EHBP1L1: variants seen among roughly 807,000 people sequenced by gnomAD.
EHBP1L1 encodes EH domain binding protein 1 like 1, also known as EH domain-binding protein 1-like protein 1.
A neutral mutation model predicts 151.1 loss-of-function variants in EHBP1L1; 122 were observed. The ratio of observed to expected loss-of-function variants is 0.81; its 90% CI spans 0.70 to 0.94. EHBP1L1 has a LOEUF of 0.94. Ranked by LOEUF, EHBP1L1 falls within the 40% of genes least tolerant of loss-of-function variation. The pLI, the probability that EHBP1L1 is intolerant of heterozygous loss-of-function variation, is 0.00. For synonymous variants in EHBP1L1, 878 were observed against 810.1 expected, an observed-to-expected ratio of 1.08 and a Z score of -1.42; for missense variants, 1,941 against 1,959.8, an observed-to-expected ratio of 0.99 and a Z score of 0.18.
chr11:65,590,934 G>A (rs1858242980), intron 16 of EHBP1L1, among the ~76,000 whole-genome samples: 1 of 152,138 alleles, frequency 6.6e-6, no homozygotes, highest in African/African-American at 2.4e-5. Context: ...GGAAGGCTGA[G>A]GCAGGAGAAT....
At position 65,592,572 on chromosome 11, in the gene EHBP1L1, G is replaced by A. The variant is rs983478599; in HGVS notation, c.*270G>A. 2 of 193,372 alleles carry A rather than the reference G, an allele frequency of 1.0e-5. No individual in the cohort carries two copies. The highest frequency in any genetic ancestry group is 4.8e-5 in the African/African-American group (2 of 42,024). 12.0% of individuals were successfully genotyped at this position (193,372 alleles called of 1,614,324 possible). On this transcript the variant is annotated 3_prime_UTR_variant, in exon 19 of 19. Coordinates refer to ENST00000309295, the MANE Select transcript of EHBP1L1 (RefSeq NM_001099409.3). ...GGCCGGGCCGGCGGCCTCGGGGAGA[G>A]GGATGCCTGGGCACTACCGCCCCGC...
At chr11:65,587,477 ACT>A (rs1043261290) in intron 12 of EHBP1L1, among the ~76,000 whole-genome samples, 2 of 151,256 alleles carry the variant, frequency 1.3e-5, no homozygotes, top group African/African-American at 2.4e-5. Context: ...GGATTTCTCC[ACT>A]CTCCTGCTTC....
Position 65,579,988 on chromosome 11 carries a change from ATGTG to A in EHBP1L1, c.312_312+3del. Reference sequence around the variant, plus strand: ...AAAGAGTGGACATTTATTATTGAAAATGTGAGTGTCTGGAGTGGGCTCAGGTCTG... The same window carrying A: ...AAAGAGTGGACATTTATTATTGAAAAAGTGTCTGGAGTGGGCTCAGGTCTG... On this transcript the variant is annotated splice_donor_variant and splice_donor_region_variant and coding_sequence_variant and intron_variant, in exon 4 of 19. Transcript: ENST00000309295. LOFTEE classifies it high-confidence loss of function. 2 of 1,613,890 alleles carry A rather than the reference ATGTG, an allele frequency of 1.2e-6. No homozygotes were observed. The highest frequency in any genetic ancestry group is 1.7e-6 in the Non-Finnish European group (2 of 1,179,858).
intron 12 of EHBP1L1, 74 bp from the exon 13 acceptor site, chr11:65,589,677 A>G: frequency 6.2e-6 from 9 of 1,460,718 alleles, no homozygotes; most frequent in Non-Finnish European, 8.1e-6. Context: ...CCTCTGTATG[A>G]GTGGCTCTGG....
At chr11:65,579,846 C>A in intron 3 of EHBP1L1, 90 bp from the exon 4 acceptor site, 1 of 1,374,458 alleles carries the variant, frequency 7.3e-7, no homozygotes, top group South Asian at 1.3e-5. Context: ...AAAAAAGCCA[C>A]CACTACCAAG....
At position 65,576,977 on chromosome 11, in the gene EHBP1L1, G is replaced by A. The variant is rs187345393; in HGVS notation, c.104+571G>A. 4.5e-3 allele frequency among the ~76,000 whole-genome samples: 691 copies of A among 152,288 alleles called. 6 individuals are homozygous for A. The highest frequency in any genetic ancestry group is 0.015 in the African/African-American group (622 of 41,552). ...TGCTGGGAGGATTGAGGAGGGAGGC[G>A]GGGAGCAGCTTAAAGGGGCCTGAGG... On this transcript the variant is annotated intron_variant, in intron 1 of 18. Coordinates refer to ENST00000309295, the MANE Select transcript of EHBP1L1 (RefSeq NM_001099409.3).
At position 65,583,227 on chromosome 11, in the gene EHBP1L1, C is replaced by T; in HGVS notation, c.2555C>T (p.Ser852Leu). 6.2e-7 allele frequency: 1 copy of T among 1,613,434 alleles called. No individual in the cohort carries two copies. The highest frequency in any genetic ancestry group is 8.5e-7 in the Non-Finnish European group (1 of 1,179,808). The change falls in exon 9 of 19, where the codon TCA becomes TTA. Residue 852 changes from serine to leucine, a missense_variant. Coordinates refer to ENST00000309295, the MANE Select transcript of EHBP1L1 (RefSeq NM_001099409.3). ...QETEVGGSGI[S>L]GPEAGMAEAR... Reference sequence around the variant, plus strand: ...ACAGAGGTCGGGGGTTCAGGGATCTCAGGGCCCGAGGCTGGAATGGCAGAG... The same window carrying T: ...ACAGAGGTCGGGGGTTCAGGGATCTTAGGGCCCGAGGCTGGAATGGCAGAG...
rs939961512 is a variant in EHBP1L1, at chr11:65,592,408, C to T, written c.*106C>T. ...GCCGTCCCGGAGGCCGCGCGCGTGT[C>T]CGCTAGGGGCCGCCGGCGCCCTTCC... On this transcript the variant is annotated 3_prime_UTR_variant, in exon 19 of 19. Coordinates refer to ENST00000309295, the MANE Select transcript of EHBP1L1 (RefSeq NM_001099409.3). 9.8e-6 allele frequency: 8 copies of T among 814,942 alleles called. No homozygotes were observed. Among genetic ancestry groups the T allele is most frequent in the African/African-American group, 9.3e-5 (5 of 53,616 alleles). 50.5% of individuals were successfully genotyped at this position (814,942 alleles called of 1,614,324 possible).
At position 65,592,326 on chromosome 11, in the gene EHBP1L1, A is replaced by C. The variant is rs1858378322; in HGVS notation, c.*24A>C. 14 of 1,413,732 alleles carry C rather than the reference A, an allele frequency of 9.9e-6. No individual in the cohort carries two copies. Among genetic ancestry groups the C allele is most frequent in the Non-Finnish European group, 1.3e-5 (14 of 1,092,764 alleles). The allele number at this position is 1,413,732 out of a possible 1,614,324, so 87.6% of individuals were successfully genotyped here. Reference sequence around the variant, plus strand: ...GAGGCCGCCGGCCCGGGTGGCCCATAACTTCTCGCGTCCCCGGCGTCCGCC... The same window carrying C: ...GAGGCCGCCGGCCCGGGTGGCCCATCACTTCTCGCGTCCCCGGCGTCCGCC... On this transcript the variant is annotated 3_prime_UTR_variant, in exon 19 of 19. Coordinates refer to ENST00000309295, the MANE Select transcript of EHBP1L1 (RefSeq NM_001099409.3).
chr11:65,590,243 C>A, intron 15 of EHBP1L1, 33 bp downstream of exon 15: 1 of 1,609,454 alleles, frequency 6.2e-7, no homozygotes, highest in Non-Finnish European at 8.5e-7. Flanking sequence ...CCTTCCCCAA[C>A]ACATGCCACT....
At chr11:65,591,608 T>C (rs1398344809) in intron 16 of EHBP1L1, 192 bp from the exon 17 acceptor site, 5 of 628,408 alleles carry the variant, frequency 8.0e-6, no homozygotes, top group Middle Eastern at 2.5e-4. Context: ...CACCCAGCAA[T>C]TGGAGAAAAC....
rs371874855 is a variant in EHBP1L1 at position 65,584,496 on chromosome 11, T to C, written c.3262T>C (p.Ser1088Pro). 5.0e-5 allele frequency: 81 copies of C among 1,612,772 alleles called. No individual in the cohort carries two copies. The Middle Eastern group carries it at 8.2e-4, about 16-fold the overall frequency. Residue 1088 changes from serine (S) to proline (P), a missense_variant, in exon 11 of 19, where the codon TCG becomes CCG. Transcript: ENST00000309295. ...GCACACTCTCTGCAGTGACTATGCC[T>C]CGCTAGACCCACTCAACATCAAGCA... Reference protein sequence around the residue: ...RFYPDKIDYASLDPLNIKQNN... With the variant: ...RFYPDKIDYAPLDPLNIKQNN...
rs757668145 is a variant in EHBP1L1, at chr11:65,582,265, A to C, written c.1593A>C (p.Ala531=). 3 of 1,527,360 alleles carry C rather than the reference A, an allele frequency of 2.0e-6. No individual in the cohort carries two copies. Among genetic ancestry groups the C allele is most frequent in the Non-Finnish European group, 2.6e-6 (3 of 1,142,504 alleles). 94.6% of individuals were successfully genotyped at this position (1,527,360 alleles called of 1,614,324 possible). A position where few individuals can be genotyped will look rare whatever the true frequency, so the allele number is the denominator to read the frequency against. The change falls in exon 9 of 19, where the codon GCA becomes GCC. Residue 531 remains alanine, a synonymous_variant. Coordinates refer to ENST00000309295, the MANE Select transcript of EHBP1L1 (RefSeq NM_001099409.3). ...TGLEQGPSVG[A]ISTRPQVSSW... ...TGGAGCAGGGCCCTTCTGTTGGAGCAATAAGCACCAGGCCCCAGGTGAGCA... is the reference window on the plus strand; with the variant it reads ...TGGAGCAGGGCCCTTCTGTTGGAGCCATAAGCACCAGGCCCCAGGTGAGCA...
At position 65,576,356 on chromosome 11, in the gene EHBP1L1, C is replaced by T. The variant is rs1475588944; in HGVS notation, c.54C>T (p.Phe18=). The T allele has an allele frequency of 1.3e-6, 2 of 1,599,564 alleles. No individual in the cohort carries two copies. Among genetic ancestry groups the T allele is most frequent in the Non-Finnish European group, 1.7e-6 (2 of 1,173,658 alleles). Reference sequence around the variant, plus strand: ...GCGTGGGCAAGCGGGCGGCCAAGTTCCAGTTCGTGGCCTGTTACCACGAGC... The same window carrying T: ...GCGTGGGCAAGCGGGCGGCCAAGTTTCAGTTCGTGGCCTGTTACCACGAGC... ...LQRVGKRAAK[F]QFVACYHELV... Residue 18 remains phenylalanine, a synonymous_variant, in exon 1 of 19, where the codon TTC becomes TTT. Transcript: ENST00000309295.
Position 65,581,885 on chromosome 11 carries a change from A to T in EHBP1L1, c.1213A>T (p.Thr405Ser), listed in dbSNP as rs1173222235. The change falls in exon 9 of 19, where the codon ACT becomes TCT. Residue 405 changes from threonine to serine, a missense_variant. Coordinates refer to ENST00000309295, the MANE Select transcript of EHBP1L1 (RefSeq NM_001099409.3). ...EPRSGGREAN[T>S]KRSGVRAGEA... Reference sequence around the variant, plus strand: ...AAGGTCAGGAGGCAGAGAGGCAAACACTAAGAGGTCAGGAGTCAGAGCTGG... The same window carrying T: ...AAGGTCAGGAGGCAGAGAGGCAAACTCTAAGAGGTCAGGAGTCAGAGCTGG... 2 of 1,613,628 alleles carry T rather than the reference A, an allele frequency of 1.2e-6. No homozygotes were observed. Among genetic ancestry groups the T allele is most frequent in the East Asian group, 2.2e-5 (1 of 44,884 alleles).
Position 65,581,191 on chromosome 11 carries a change from G to T in EHBP1L1, c.704-20G>T. 1 of 1,610,016 alleles carries T rather than the reference G, an allele frequency of 6.2e-7. No homozygotes were observed. Among genetic ancestry groups the T allele is most frequent in the Middle Eastern group, 1.7e-4 (1 of 6,048 alleles). ...CAGGTCACTGGGCCCAGGCCACAGT[G>T]TCCCCCTCTTTCTTCTCAGTTGCCA... is the stretch of plus-strand genomic sequence containing the variant. On this transcript the variant is annotated intron_variant, in intron 7 of 18. Coordinates refer to ENST00000309295, the MANE Select transcript of EHBP1L1 (RefSeq NM_001099409.3).
chr11:65,591,713 G>A lies in EHBP1L1; in HGVS notation c.4284-87G>A, dbSNP rs758386857. ...GCTGGGGAGGTGGGATGGGGTCAGG[G>A]AGTGGCCAGAGCCCTGGGCACTCTC... On this transcript the variant is annotated intron_variant, in intron 16 of 18. Transcript: ENST00000309295. 17 of 1,087,632 alleles carry A rather than the reference G, an allele frequency of 1.6e-5. No homozygotes were observed. In the Middle Eastern group the frequency reaches 2.4e-3, roughly 152 times the overall value. The allele number at this position is 1,087,632 out of a possible 1,614,324, so 67.4% of individuals were successfully genotyped here.
chr11:65,581,925 G>A lies in EHBP1L1; in HGVS notation c.1253G>A (p.Ser418Asn). ...SGVRAGEAEESSAVCQVDAEQ... is the reference protein window; with the variant it reads ...SGVRAGEAEENSAVCQVDAEQ... ...GTCAGAGCTGGGGAGGCTGAAGAGA[G>A]TTCAGCAGTTTGTCAAGTGGATGCT... Residue 418 changes from serine (S) to asparagine (N), a missense_variant, in exon 9 of 19, where the codon AGT (serine) becomes AAT (asparagine). Transcript: ENST00000309295. The A allele has an allele frequency of 6.2e-7, 1 of 1,613,820 alleles. No homozygotes were observed. Among genetic ancestry groups the A allele is most frequent in the South Asian group, 1.1e-5 (1 of 91,070 alleles).
intron 6 of EHBP1L1, 129 bp from the exon 7 acceptor site, chr11:65,580,929 C>G: frequency 6.9e-7 from 1 of 1,449,226 alleles, no homozygotes; most frequent in Non-Finnish European, 9.1e-7. Flanking sequence ...TTCTCGCAGG[C>G]CGGGGCGGTG....
Sources: allele counts gnomAD v4.1 joint callset (sites outside exome capture counted in the v4.1 genomes callset), GRCh38; gene constraint gnomAD v4.1.1; transcripts MANE v1.5; gene names NCBI Gene and HGNC (gene_info 2026-07-23, HGNC 2026-07-21).